Variants in KCNAB1 observed in about 807,000 individuals in gnomAD.
KCNAB1 encodes potassium voltage-gated channel subfamily A regulatory beta subunit 1.
KCNAB1 carries 35 observed loss-of-function variants against 64.6 expected under a neutral mutation model. That is an observed-to-expected ratio of 0.54 (90% CI 0.41 to 0.72). The LOEUF (loss-of-function observed/expected upper bound fraction) is 0.72, where lower values mean the gene tolerates loss of function less well. Ranked by LOEUF, KCNAB1 falls within the 30% of genes least tolerant of loss-of-function variation. KCNAB1 has a pLI of 0.00. For missense variants in KCNAB1, 401 were observed against 512.9 expected (o/e 0.78, Z 2.11); for synonymous variants, 177 against 183.8 (o/e 0.96, Z 0.30).
At position 156,462,732 on chromosome 3, in the gene KCNAB1, G is replaced by A. The variant is rs938284992; in HGVS notation, c.483-970G>A. Among the ~76,000 whole-genome samples the A allele has an allele frequency of 3.4e-4, 51 of 152,142 alleles. 1 individual carries two copies. The highest frequency in any genetic ancestry group is 1.1e-3 in the African/African-American group (47 of 41,416). On this transcript the variant is annotated intron_variant, in intron 5 of 13. Transcript: ENST00000490337. Reference sequence around the variant, plus strand: ...CCCTACAGATGATGGAATTATAAACGCCTTATTTCAAGCGCTCCTGAAGAT... The same window carrying A: ...CCCTACAGATGATGGAATTATAAACACCTTATTTCAAGCGCTCCTGAAGAT...
At chr3:156,369,313 G>A (rs1300303358) in intron 1 of KCNAB1, among the ~76,000 whole-genome samples, 3 of 152,134 alleles carry the variant, frequency 2.0e-5, no homozygotes, top group Admixed American at 1.3e-4. Context: ...TCCATTGTAC[G>A]AATATACCAC....
chr3:156,353,731 C>T (rs115792550), intron 1 of KCNAB1, among the ~76,000 whole-genome samples: 2,019 of 152,314 alleles, frequency 0.013, 17 homozygotes, highest in South Asian at 0.031. Flanking sequence ...CTCTAGGGAG[C>T]AGTTCACAAC....
intron 12 of KCNAB1, among the ~76,000 whole-genome samples, chr3:156,524,611 G>A (rs988543033): frequency 6.6e-6 from 1 of 151,938 alleles, no homozygotes; most frequent in African/African-American, 2.4e-5. Context: ...GCCGGGCGTG[G>A]TGGTGGGTGC....
chr3:156,496,782 G>C (rs528124527), intron 8 of KCNAB1, among the ~76,000 whole-genome samples: 1 of 152,094 alleles, frequency 6.6e-6, no homozygotes, highest in Non-Finnish European at 1.5e-5. Flanking sequence ...AACATTGTAT[G>C]GGGAATGGGG....
At chr3:156,287,286 G>A (rs1437887695) in intron 1 of KCNAB1, among the ~76,000 whole-genome samples, 1 of 148,302 alleles carries the variant, frequency 6.7e-6, no homozygotes, top group African/African-American at 2.5e-5. Context: ...GACCAGCTGA[G>A]ACTCAGGCAA....
chr3:156,342,242 G>A (rs1576749522), intron 1 of KCNAB1, among the ~76,000 whole-genome samples: 1 of 152,338 alleles, frequency 6.6e-6, no homozygotes, highest in East Asian at 1.9e-4. Flanking sequence ...GGTGCTAGAG[G>A]TAGACTACAC....
At chr3:156,391,524 G>A (rs760969750) in intron 1 of KCNAB1, among the ~76,000 whole-genome samples, 239 of 152,292 alleles carry the variant, frequency 1.6e-3, no homozygotes, top group Non-Finnish European at 2.0e-3. Flanking sequence ...CTAAATTTCA[G>A]GAAAGTGCTT....
chr3:156,308,618 G>A (rs1721674074), intron 1 of KCNAB1, among the ~76,000 whole-genome samples: 1 of 152,174 alleles, frequency 6.6e-6, no homozygotes, highest in African/African-American at 2.4e-5. Context: ...GTAGTGTTTA[G>A]CCTTGAGTTT....
chr3:156,492,447 A>G (rs1212682697), intron 8 of KCNAB1, among the ~76,000 whole-genome samples: 2 of 151,718 alleles, frequency 1.3e-5, no homozygotes, highest in Non-Finnish European at 2.9e-5. Flanking sequence ...TTTAGCACTC[A>G]CTCTCCAAGC....
chr3:156,477,697 G>T (rs1334001874), intron 8 of KCNAB1, among the ~76,000 whole-genome samples: 1 of 152,122 alleles, frequency 6.6e-6, no homozygotes, highest in African/African-American at 2.4e-5. Context: ...ACCAGAGTTT[G>T]ATATAAGTCT....
At chr3:156,278,642 C>T (rs1256876245) in intron 1 of KCNAB1, among the ~76,000 whole-genome samples, 2 of 152,212 alleles carry the variant, frequency 1.3e-5, no homozygotes, top group Non-Finnish European at 2.9e-5. Context: ...TTCATCAATT[C>T]TCTGAAGCAT....
intron 8 of KCNAB1, among the ~76,000 whole-genome samples, chr3:156,479,949 A>G (rs1332407416): frequency 6.6e-6 from 1 of 152,142 alleles, no homozygotes; most frequent in Non-Finnish European, 1.5e-5. Context: ...TGTCATGTGA[A>G]AGCAGGCATC....
At chr3:156,384,200 G>A (rs1195169679) in intron 1 of KCNAB1, among the ~76,000 whole-genome samples, 1 of 152,198 alleles carries the variant, frequency 6.6e-6, no homozygotes, top group Non-Finnish European at 1.5e-5. Context: ...GCAGCTTGTT[G>A]GAAAATGGTG....
At chr3:156,175,810 T>G (rs938809696) in intron 1 of KCNAB1, 1 of 612,188 alleles carries the variant, frequency 1.6e-6, no homozygotes. Context: ...TTGACGTCAC[T>G]TATGCAGTCT....
chr3:156,461,003 C>G (rs1476069012), intron 5 of KCNAB1, among the ~76,000 whole-genome samples: 1 of 152,198 alleles, frequency 6.6e-6, no homozygotes, highest in East Asian at 1.9e-4. Flanking sequence ...TCCCTTCTCC[C>G]TCTCCCCCAT....
chr3:156,359,913 T>TC (rs1434040609), intron 1 of KCNAB1, among the ~76,000 whole-genome samples: 4 of 152,208 alleles, frequency 2.6e-5, no homozygotes, highest in Admixed American at 6.5e-5. Context: ...CAAGTTTGTG[T>TC]CCTATCCTCC....
intron 8 of KCNAB1, among the ~76,000 whole-genome samples, chr3:156,481,375 T>C (rs1559907863): frequency 1.3e-5 from 2 of 150,704 alleles, no homozygotes; most frequent in Non-Finnish European, 2.9e-5. Context: ...GAGAAAATGA[T>C]TTTCATATCC....
intron 2 of KCNAB1, among the ~76,000 whole-genome samples, chr3:156,427,032 G>T (rs1715867859): frequency 6.6e-6 from 1 of 152,154 alleles, no homozygotes; most frequent in Non-Finnish European, 1.5e-5. Flanking sequence ...TGAGGCAGTG[G>T]TATGAAAGAT....
chr3:156,304,503 TC>T (rs1721357238), intron 1 of KCNAB1, among the ~76,000 whole-genome samples: 1 of 152,226 alleles, frequency 6.6e-6, no homozygotes. Flanking sequence ...CTGGCCTACT[TC>T]CTGTTATACT....
Sources: gnomAD v4.1 joint callset for allele counts (sites outside exome capture counted in the v4.1 genomes callset) on GRCh38, gnomAD v4.1.1 for gene constraint, MANE v1.5 for transcripts, NCBI Gene and HGNC (gene_info 2026-07-23, HGNC 2026-07-21) for gene names.